The following YEATS4 variants were observed in gnomAD, a reference collection of about 807,000 sequenced individuals.
YEATS4 encodes the protein YEATS domain containing 4.
YEATS4 carries 17 observed loss-of-function variants against 30.1 expected under a neutral mutation model. The observed-to-expected ratio is 0.56, with a 90% CI of 0.39 to 0.85. The LOEUF (loss-of-function observed/expected upper bound fraction) is 0.85. YEATS4 is among the 40% of genes least tolerant of loss of function. The pLI is 0.00. For synonymous variants in YEATS4, 85 were observed against 87.5 expected, an observed-to-expected ratio of 0.97 and a Z score of 0.16; for missense variants, 142 against 268.3, an observed-to-expected ratio of 0.53 and a Z score of 3.29.
the YEATS4 span, among the ~76,000 whole-genome samples, chr12:69,426,816 T>C: frequency 1.3e-5 from 2 of 152,124 alleles, no homozygotes; most frequent in African/African-American, 4.8e-5. Context: ...TTAGAAGAGG[T>C]GAAGTGAGGT....
the YEATS4 span, among the ~76,000 whole-genome samples, chr12:69,410,192 T>A: frequency 6.6e-6 from 1 of 152,198 alleles, no homozygotes; most frequent in Non-Finnish European, 1.5e-5. Flanking sequence ...ACTACCACAA[T>A]CTGATTTTAG....
the YEATS4 span, among the ~76,000 whole-genome samples, chr12:69,414,968 G>C: frequency 6.6e-6 from 1 of 152,174 alleles, no homozygotes; most frequent in Non-Finnish European, 1.5e-5. Flanking sequence ...ATGTATTATA[G>C]AGACTGGGGG....
rs369403007 is a variant in YEATS4 at position 69,370,936 on chromosome 12, C to T, written c.475C>T (p.Arg159Cys). ...AMMQQLLTTSRQLTLGAYKHE... is the reference protein window; with the variant it reads ...AMMQQLLTTSCQLTLGAYKHE... ...GATGCAACAATTATTGACAACATCT[C>T]GTCAGCTAACATTAGGAGCCTATAA... The change falls in exon 6 of 7, where the codon CGT (arginine) becomes TGT (cysteine). Residue 159 changes from arginine to cysteine, a missense_variant. Transcript: ENST00000247843. The T allele has an allele frequency of 5.0e-6, 8 of 1,613,086 alleles. No homozygotes were observed. The highest frequency in any genetic ancestry group is 2.7e-5 in the African/African-American group (2 of 74,890).
chr12:69,366,288 C>T, intron 4 of YEATS4, among the ~76,000 whole-genome samples: 1 of 152,014 alleles, frequency 6.6e-6, no homozygotes, highest in East Asian at 1.9e-4. Context: ...AGTACTAGCG[C>T]TTCATTTTAT....
chr12:69,364,795 T>A (rs1004666605), intron 2 of YEATS4, among the ~76,000 whole-genome samples: 1 of 152,036 alleles, frequency 6.6e-6, no homozygotes, highest in Non-Finnish European at 1.5e-5. Context: ...ATTTTTTGTA[T>A]TTTTAGTAGA....
chr12:69,406,737 A>G, the YEATS4 span, among the ~76,000 whole-genome samples: 1 of 152,216 alleles, frequency 6.6e-6, no homozygotes, highest in Non-Finnish European at 1.5e-5. Flanking sequence ...CAAGAACTGC[A>G]TATTAGTCCA....
intron 6 of YEATS4, among the ~76,000 whole-genome samples, chr12:69,371,781 G>C (rs1875648457): frequency 6.6e-6 from 1 of 152,190 alleles, no homozygotes; most frequent in Admixed American, 6.5e-5. Context: ...ATAAGGTAGT[G>C]ATTAAGTGCT....
At chr12:69,378,357 T>A (rs999427844) in intron 6 of YEATS4, among the ~76,000 whole-genome samples, 1 of 152,120 alleles carries the variant, frequency 6.6e-6, no homozygotes, top group Non-Finnish European at 1.5e-5. Context: ...TCCATTTACA[T>A]TCACTGATAT....
In YEATS4 at chr12:69,359,781, G is replaced by C; in HGVS notation, c.-192G>C. 3.2e-6 allele frequency: 2 copies of C among 627,788 alleles called. No individual in the cohort carries two copies. The highest frequency in any genetic ancestry group is 6.0e-5 in the East Asian group (2 of 33,124). 38.9% of individuals were successfully genotyped at this position (627,788 alleles called of 1,614,324 possible). A position where few individuals can be genotyped will look rare whatever the true frequency, so the allele number is the denominator to read the frequency against. On this transcript the variant is annotated 5_prime_UTR_variant, in exon 1 of 7. The change abolishes an upstream ATG in the 5' untranslated region. Transcript: ENST00000247843. Reference sequence around the variant, plus strand: ...GTTCTCCACCTGCGCGGGCCTGAATGGCCTTCAGGAGCACAGTCGGCCTGA... The same window carrying C: ...GTTCTCCACCTGCGCGGGCCTGAATCGCCTTCAGGAGCACAGTCGGCCTGA...
downstream of YEATS4, among the ~76,000 whole-genome samples, chr12:69,391,748 G>C (rs1056743209): frequency 6.6e-6 from 1 of 152,164 alleles, no homozygotes; most frequent in Non-Finnish European, 1.5e-5. Context: ...ATCATGATAA[G>C]ATTTCCCAAG....
downstream of YEATS4, among the ~76,000 whole-genome samples, chr12:69,393,443 G>C (rs1868330002): frequency 1.3e-5 from 2 of 151,874 alleles, no homozygotes; most frequent in South Asian, 2.1e-4. Context: ...ATTGCAGCCT[G>C]GTGACAGAGC....
At chr12:69,410,305 G>T in the YEATS4 span, among the ~76,000 whole-genome samples, 1 of 152,246 alleles carries the variant, frequency 6.6e-6, no homozygotes, top group Non-Finnish European at 1.5e-5. Context: ...TACCTCAATA[G>T]ATTTGCCTTT....
At chr12:69,414,907 T>C in the YEATS4 span, among the ~76,000 whole-genome samples, 1 of 152,210 alleles carries the variant, frequency 6.6e-6, no homozygotes. Flanking sequence ...AATGTTGCCA[T>C]CAGTTCTTTT....
downstream of YEATS4, among the ~76,000 whole-genome samples, chr12:69,391,310 T>A (rs557064226): frequency 1.1e-3 from 169 of 150,858 alleles, no homozygotes; most frequent in African/African-American, 3.9e-3. Flanking sequence ...AAAAAAAAAA[T>A]TAAATCTTTC....
chr12:69,372,879 T>C (rs1478199726), intron 6 of YEATS4, among the ~76,000 whole-genome samples: 1 of 68,570 alleles, frequency 1.5e-5, no homozygotes, highest in African/African-American at 6.6e-5. Context: ...AGTGAGAATA[T>C]ATAATGTTTT....
chr12:69,400,109 G>C, the YEATS4 span, among the ~76,000 whole-genome samples: 1 of 151,664 alleles, frequency 6.6e-6, no homozygotes, highest in South Asian at 2.1e-4. Flanking sequence ...ATACTTTATG[G>C]TATGTGAATT....
intron 6 of YEATS4, among the ~76,000 whole-genome samples, chr12:69,375,834 T>G (rs1191083536): frequency 6.7e-6 from 1 of 150,152 alleles, no homozygotes; most frequent in Non-Finnish European, 1.5e-5. Flanking sequence ...GAGGTTGCAG[T>G]GAGCCGAGAT....
intron 1 of YEATS4, 90 bp downstream of exon 1, chr12:69,360,113 T>C: frequency 1.4e-6 from 2 of 1,416,826 alleles, no homozygotes; most frequent in Non-Finnish European, 1.9e-6. Context: ...GGGTTTCCTT[T>C]CGCGCCTTTT....
chr12:69,397,899 G>A, the YEATS4 span, among the ~76,000 whole-genome samples: 1 of 152,142 alleles, frequency 6.6e-6, no homozygotes, highest in Non-Finnish European at 1.5e-5. Flanking sequence ...CCAAATACCT[G>A]TATGTGGTAG....
Sources: allele counts gnomAD v4.1 joint callset (sites outside exome capture counted in the v4.1 genomes callset), GRCh38; gene constraint gnomAD v4.1.1; transcripts MANE v1.5; gene names NCBI Gene and HGNC (gene_info 2026-07-23, HGNC 2026-07-21).